Variants in DIPK2B observed in about 807,000 individuals in gnomAD.
DIPK2B encodes the protein divergent protein kinase domain 2B.
Under a neutral mutation model 22.2 loss-of-function variants are expected in DIPK2B, and 15 were observed. The observed-to-expected ratio is 0.68, with a 90% CI of 0.45 to 1.04. The LOEUF (loss-of-function observed/expected upper bound fraction) is 1.04. DIPK2B is among the 50% of genes least tolerant of loss of function. The pLI is 0.00. For synonymous variants in DIPK2B, 163 were observed against 153.2 expected, an observed-to-expected ratio of 1.06 and a Z score of -0.47; for missense variants, 345 against 348.3, an observed-to-expected ratio of 0.99 and a Z score of 0.08.
intron 2 of DIPK2B, chrX:45,191,500 AACTTTCTCGAATCG>A: frequency 2.7e-6 from 1 of 364,785 alleles, no homozygotes. Flanking sequence ...CGCAGCTAGG[AACTTTCTCGAATCG>A]TCACTGAGGA....
At chrX:45,159,857 C>G (rs772823714) in intron 2 of DIPK2B, among the ~76,000 whole-genome samples, 4 of 112,060 alleles carry the variant, frequency 3.6e-5, no homozygotes, top group Non-Finnish European at 7.5e-5. Flanking sequence ...ATTATACATT[C>G]AAACATTTTC....
chrX:45,164,701 C>T (rs1030778828), intron 2 of DIPK2B, among the ~76,000 whole-genome samples: 3 of 111,262 alleles, frequency 2.7e-5, no homozygotes, highest in East Asian at 2.8e-4. Flanking sequence ...CAACATGGCA[C>T]GCGTATACCT....
At position 45,174,953 on chromosome X, in the gene DIPK2B, G is replaced by T. The variant is rs73206215; in HGVS notation, c.498+16798C>A. On this transcript the variant is annotated intron_variant, in intron 2 of 4. Transcript: ENST00000398000. ...GGTTTCACTACAGGGAAGTAGAGAAGCCACAAAGCATAGTATTTAAGGGCG... is the reference window on the plus strand; with the variant it reads ...GGTTTCACTACAGGGAAGTAGAGAATCCACAAAGCATAGTATTTAAGGGCG... Among the ~76,000 whole-genome samples the T allele has an allele frequency of 6.6e-3, 733 of 111,705 alleles. 3 individuals are homozygous for T. The highest frequency in any genetic ancestry group is 9.8e-3 in the Non-Finnish European group (523 of 53,139).
chrX:45,194,089 G>A (rs2047226212), intron 1 of DIPK2B, among the ~76,000 whole-genome samples: 1 of 111,812 alleles, frequency 8.9e-6, no homozygotes, highest in African/African-American at 3.3e-5. Flanking sequence ...AACCTATGAG[G>A]CTGATACTAT....
At chrX:45,160,245 T>C (rs1283339611) in intron 2 of DIPK2B, among the ~76,000 whole-genome samples, 1 of 109,348 alleles carries the variant, frequency 9.1e-6, no homozygotes, top group East Asian at 2.9e-4. Context: ...TTCACTCTTG[T>C]CCCCCAGGCT....
intron 3 of DIPK2B, among the ~76,000 whole-genome samples, chrX:45,156,146 T>A (rs1396765990): frequency 9.2e-6 from 1 of 108,286 alleles, no homozygotes; most frequent in Non-Finnish European, 1.9e-5. Context: ...TTTTTTTGTA[T>A]TTTTTAGTAG....
chrX:45,154,323 C>T (rs2046980387), intron 3 of DIPK2B, 125 bp from the exon 4 acceptor site: 1 of 593,585 alleles, frequency 1.7e-6, no homozygotes, highest in East Asian at 3.6e-5. Context: ...ATCTATCTGT[C>T]TATCTATATC....
intron 1 of DIPK2B, among the ~76,000 whole-genome samples, chrX:45,192,882 G>A (rs145063237): frequency 0.026 from 2,878 of 112,206 alleles, 105 homozygotes; most frequent in African/African-American, 0.089. Flanking sequence ...GGATTCAAGC[G>A]ATTCTCCTGC....
intron 2 of DIPK2B, among the ~76,000 whole-genome samples, chrX:45,169,087 C>T (rs1249594363): frequency 1.8e-5 from 2 of 111,533 alleles, no homozygotes; most frequent in Non-Finnish European, 3.8e-5. Context: ...TGTTCTGAGC[C>T]AGGATATTTT....
intron 3 of DIPK2B, among the ~76,000 whole-genome samples, chrX:45,157,167 G>A (rs946442543): frequency 9.0e-6 from 1 of 111,420 alleles, no homozygotes; most frequent in Admixed American, 9.6e-5. Flanking sequence ...CATGATAAGT[G>A]TCTGTCTCTA....
At chrX:45,179,335 G>T (rs779153767) in intron 2 of DIPK2B, among the ~76,000 whole-genome samples, 5 of 110,628 alleles carry the variant, frequency 4.5e-5, no homozygotes, top group Non-Finnish European at 9.4e-5. Context: ...ACTTTATAAG[G>T]CATTACAGTT....
chrX:45,185,874 G>A (rs985604656), intron 2 of DIPK2B, among the ~76,000 whole-genome samples: 3 of 110,207 alleles, frequency 2.7e-5, no homozygotes, highest in Non-Finnish European at 5.7e-5. Flanking sequence ...GGATGGTCTC[G>A]ATCTCCTGAC....
At chrX:45,180,505 G>A (rs2047144403) in intron 2 of DIPK2B, among the ~76,000 whole-genome samples, 2 of 110,983 alleles carry the variant, frequency 1.8e-5, no homozygotes, top group Non-Finnish European at 3.8e-5. Flanking sequence ...AGTACAATAA[G>A]GCAAGAAATA....
intron 1 of DIPK2B, among the ~76,000 whole-genome samples, chrX:45,192,229 C>T (rs1043676485): frequency 2.7e-5 from 3 of 111,846 alleles, no homozygotes; most frequent in Admixed American, 9.4e-5. Flanking sequence ...GTGTGAGTCA[C>T]GCACAAACAT....
Position 45,200,773 on chromosome X carries a change from G to C in DIPK2B, c.54C>G (p.Ala18=). 1 of 1,209,016 alleles carries C rather than the reference G, an allele frequency of 8.3e-7. No individual in the cohort carries two copies. Among genetic ancestry groups the C allele is most frequent in the Non-Finnish European group, 1.1e-6 (1 of 893,884 alleles). ...TCAGGGCTGAGACCCACAGCAGCAG[G>C]GCCAGCCAGCCAGGGCGGAGGGCGG... ...EAAALRPGWL[A]LLLWVSALSC... The change falls in exon 1 of 5, where the codon GCC becomes GCG. Residue 18 remains alanine, a synonymous_variant. Transcript: ENST00000398000.
intron 2 of DIPK2B, among the ~76,000 whole-genome samples, chrX:45,158,541 A>G (rs2047007379): frequency 9.4e-6 from 1 of 106,702 alleles, no homozygotes; most frequent in Non-Finnish European, 1.9e-5. Context: ...TAAGACTTGG[A>G]GATACGAACC....
chrX:45,194,895 A>T (rs1223086442), intron 1 of DIPK2B, among the ~76,000 whole-genome samples: 1 of 111,697 alleles, frequency 9.0e-6, no homozygotes, highest in African/African-American at 3.3e-5. Context: ...TTGCCCTGTG[A>T]GACAAGTTCA....
At chrX:45,178,945 C>A (rs1406036801) in intron 2 of DIPK2B, among the ~76,000 whole-genome samples, 1 of 111,614 alleles carries the variant, frequency 9.0e-6, no homozygotes, top group Non-Finnish European at 1.9e-5. Context: ...AAGGATCATG[C>A]CTTATCAGCA....
At chrX:45,166,414 G>A (rs5952701) in intron 2 of DIPK2B, among the ~76,000 whole-genome samples, 33,532 of 110,085 alleles carry the variant, frequency 0.3, 4,596 homozygotes, top group African/African-American at 0.52. Context: ...TGAGGCATGA[G>A]GGAAGGGCAG....
Sources: gnomAD v4.1 joint callset for allele counts (sites outside exome capture counted in the v4.1 genomes callset) on GRCh38, gnomAD v4.1.1 for gene constraint, MANE v1.5 for transcripts, NCBI Gene and HGNC (gene_info 2026-07-23, HGNC 2026-07-21) for gene names.